The following ENAH variants were observed in gnomAD, a reference collection of about 807,000 sequenced individuals.
The protein encoded by ENAH is protein enabled homolog.
In ENAH, 23 loss-of-function variants were observed where a neutral mutation model predicts 78.7. The observed-to-expected ratio is 0.29, with a 90% CI of 0.21 to 0.41. The LOEUF (loss-of-function observed/expected upper bound fraction) is 0.41, where lower values mean the gene tolerates loss of function less well. ENAH is among the 10% of genes least tolerant of loss of function. ENAH has a pLI of 1.00. For synonymous variants in ENAH, 226 were observed against 241.0 expected (o/e 0.94, Z 0.58); for missense variants, 544 against 691.0 (o/e 0.79, Z 2.39).
intron 1 of ENAH, among the ~76,000 whole-genome samples, chr1:225,640,333 CA>C (rs990606026): frequency 1.3e-5 from 2 of 152,066 alleles, no homozygotes; most frequent in Non-Finnish European, 2.9e-5. Flanking sequence ...AGATTAAACC[CA>C]AATAAAGCCT....
chr1:225,530,526 AAGTACAAAC>A lies in ENAH; in HGVS notation c.434+19_434+27del. On this transcript the variant is annotated intron_variant, in intron 4 of 13. Transcript: ENST00000366843. ...TTTTGTCTTCTGAAGCATAAAGAAA[AAGTACAAAC>A]AATAACTTGAAAATTTACCTTCTTT... 1 of 1,563,002 alleles carries A rather than the reference AAGTACAAAC, an allele frequency of 6.4e-7. No individual in the cohort carries two copies. The highest frequency in any genetic ancestry group is 8.8e-7 in the Non-Finnish European group (1 of 1,133,878).
chr1:225,561,806 T>C (rs1382664886), intron 2 of ENAH, among the ~76,000 whole-genome samples: 1 of 152,066 alleles, frequency 6.6e-6, no homozygotes, highest in African/African-American at 2.4e-5. Context: ...CACATGCCTA[T>C]ACATTTTTAG....
In ENAH at chr1:225,573,019, C is replaced by T. The variant is rs546724391; in HGVS notation, c.6-5605G>A. Among the ~76,000 whole-genome samples, 5 of 152,254 alleles carry T rather than the reference C, an allele frequency of 3.3e-5. No individual in the cohort carries two copies. In the East Asian group the frequency reaches 9.6e-4, roughly 29 times the overall value. On this transcript the variant is annotated intron_variant, in intron 1 of 13. Transcript: ENST00000366843. ...CAGGTAGTTCATTTCTGAATATTGT[C>T]AAATTGACTGAGCAGGTATATGTGA...
At chr1:225,561,929 A>G (rs2096708287) in intron 2 of ENAH, among the ~76,000 whole-genome samples, 1 of 152,062 alleles carries the variant, frequency 6.6e-6, no homozygotes, top group Non-Finnish European at 1.5e-5. Context: ...TATCTTCTCA[A>G]CAAACTGATG....
chr1:225,536,235 T>A (rs1018868489), intron 3 of ENAH, among the ~76,000 whole-genome samples: 4 of 152,140 alleles, frequency 2.6e-5, no homozygotes, highest in African/African-American at 9.6e-5. Context: ...AGCCATTTAT[T>A]TAGGCTATTT....
chr1:225,613,074 G>A (rs551221258), intron 1 of ENAH, among the ~76,000 whole-genome samples: 1 of 152,172 alleles, frequency 6.6e-6, no homozygotes, highest in South Asian at 2.1e-4. Flanking sequence ...GTTTTGCTAC[G>A]GACACTATTT....
In ENAH at chr1:225,497,733, T is replaced by C. The variant is rs1347217853; in HGVS notation, c.*42A>G. On this transcript the variant is annotated 3_prime_UTR_variant, in exon 14 of 14. Transcript: ENST00000366843. ...GAACAGTTGTTGTTTGTAGGATATT[T>C]TTCCTCCAGATTAAAGTCCTATCTC... 2 of 1,596,854 alleles carry C rather than the reference T, an allele frequency of 1.3e-6. No individual in the cohort carries two copies. The highest frequency in any genetic ancestry group is 1.7e-6 in the Non-Finnish European group (2 of 1,167,538).
At chr1:225,588,932 T>G (rs1338322647) in intron 1 of ENAH, among the ~76,000 whole-genome samples, 2 of 151,278 alleles carry the variant, frequency 1.3e-5, no homozygotes, top group African/African-American at 4.9e-5. Flanking sequence ...CAGGTATCCA[T>G]CGACAAGACG....
At position 225,562,571 on chromosome 1, in the gene ENAH, C is replaced by CAAAAA. The variant is rs869309795; in HGVS notation, c.171+4673_171+4677dup. On this transcript the variant is annotated intron_variant, in intron 2 of 13. Coordinates refer to ENST00000366843, the MANE Select transcript of ENAH (RefSeq NM_018212.6). ...TGGGCGACAGAGCGAGACTGCGTCT[C>CAAAAA]AAAAAAAAAAAAAAAAAAAAAAAAA... 4.7e-3 allele frequency among the ~76,000 whole-genome samples: 179 copies of CAAAAA among 38,106 alleles called. 16 individuals carry two copies. In the East Asian group the frequency reaches 0.048, roughly 10 times the overall value. 25.0% of individuals were successfully genotyped at this position (38,106 alleles called of 152,430 possible). A position where few individuals can be genotyped will look rare whatever the true frequency, so the allele number is the denominator to read the frequency against.
At position 225,652,717 on chromosome 1, in the gene ENAH, A is replaced by G; in HGVS notation, c.-27T>C. On this transcript the variant is annotated 5_prime_UTR_variant, in exon 1 of 14. Transcript: ENST00000366843. Reference sequence around the variant, plus strand: ...GTGCCGGCGGCGCAGAGGCTTCCCCACCAGCCGGGAGACGCAGAAGGCGCC... The same window carrying G: ...GTGCCGGCGGCGCAGAGGCTTCCCCGCCAGCCGGGAGACGCAGAAGGCGCC... 1 of 1,315,216 alleles carries G rather than the reference A, an allele frequency of 7.6e-7. No homozygotes were observed. 81.5% of individuals were successfully genotyped at this position (1,315,216 alleles called of 1,614,324 possible). A position where few individuals can be genotyped will look rare whatever the true frequency, so the allele number is the denominator to read the frequency against.
chr1:225,563,997 AC>A (rs2096721852), intron 2 of ENAH, among the ~76,000 whole-genome samples: 1 of 152,192 alleles, frequency 6.6e-6, no homozygotes, highest in Admixed American at 6.5e-5. Flanking sequence ...TGGCCCACTT[AC>A]TGGCATAAAG....
rs2096233901 is a variant in ENAH, at chr1:225,493,581, T to G, written c.*4194A>C. The G allele has an allele frequency of 1.3e-5, 2 of 152,210 alleles. No homozygotes were observed. The highest frequency in any genetic ancestry group is 2.9e-5 in the Non-Finnish European group (2 of 68,034). 9.4% of individuals were successfully genotyped at this position (152,210 alleles called of 1,614,324 possible). On this transcript the variant is annotated 3_prime_UTR_variant, in exon 14 of 14. Transcript: ENST00000366843. ...AGAGATGTACAGATATGAACTCATCTTTCTATTAAAAACAAAAGTGGTGCT... is the reference window on the plus strand; with the variant it reads ...AGAGATGTACAGATATGAACTCATCGTTCTATTAAAAACAAAAGTGGTGCT...
intron 1 of ENAH, among the ~76,000 whole-genome samples, chr1:225,605,255 T>C (rs918102694): frequency 8.5e-5 from 13 of 152,170 alleles, no homozygotes; most frequent in African/African-American, 3.1e-4. Flanking sequence ...CCTTCTGATA[T>C]TAAATAAGGG....
At chr1:225,642,918 A>T (rs916941117) in intron 1 of ENAH, among the ~76,000 whole-genome samples, 1 of 152,244 alleles carries the variant, frequency 6.6e-6, no homozygotes, top group Admixed American at 6.5e-5. Flanking sequence ...TCACATTGGC[A>T]AAGATTAAAA....
chr1:225,632,978 G>C (rs1352101709), intron 1 of ENAH, among the ~76,000 whole-genome samples: 1 of 151,964 alleles, frequency 6.6e-6, no homozygotes, highest in African/African-American at 2.4e-5. Flanking sequence ...CGGACTGGAA[G>C]ACATAATGTA....
At chr1:225,572,259 A>C (rs2096766808) in intron 1 of ENAH, among the ~76,000 whole-genome samples, 1 of 152,196 alleles carries the variant, frequency 6.6e-6, no homozygotes, top group Admixed American at 6.5e-5. Context: ...TGTGATGCAC[A>C]AAATAAATTG....
At chr1:225,557,065 A>G (rs115056747) in intron 2 of ENAH, among the ~76,000 whole-genome samples, 139 of 152,320 alleles carry the variant, frequency 9.1e-4, no homozygotes, top group African/African-American at 3.1e-3. Context: ...GATGACCATT[A>G]GAGTGTGTCT....
At chr1:225,526,252 C>A (rs1217281907) in intron 4 of ENAH, among the ~76,000 whole-genome samples, 5 of 151,898 alleles carry the variant, frequency 3.3e-5, no homozygotes, top group Non-Finnish European at 7.4e-5. Flanking sequence ...TCTCATATGC[C>A]ACCTCTTTGT....
chr1:225,651,267 T>C (rs1020578187), intron 1 of ENAH, among the ~76,000 whole-genome samples: 2 of 151,880 alleles, frequency 1.3e-5, no homozygotes, highest in African/African-American at 2.4e-5. Flanking sequence ...TTTAAGGCCA[T>C]CATAAATACA....
Sources: gnomAD v4.1 joint callset for allele counts (sites outside exome capture counted in the v4.1 genomes callset) on GRCh38, gnomAD v4.1.1 for gene constraint, MANE v1.5 for transcripts, NCBI Gene and HGNC (gene_info 2026-07-23, HGNC 2026-07-21) for gene names.